CUL1: variants seen among roughly 807,000 people sequenced by gnomAD.
The protein encoded by CUL1 is cullin-1.
A neutral mutation model predicts 118.0 loss-of-function variants in CUL1; 24 were observed. The observed-to-expected ratio is 0.20, with a 90% CI of 0.15 to 0.29. The LOEUF is 0.29. CUL1 is among the 10% of genes least tolerant of loss of function. The pLI is 1.00. For missense variants in CUL1, 361 were observed against 933.8 expected (o/e 0.39, Z 7.99); for synonymous variants, 332 against 340.4 (o/e 0.98, Z 0.27).
chr7:148,739,169 C>T (rs776741487), intron 2 of CUL1, among the ~76,000 whole-genome samples: 1 of 152,196 alleles, frequency 6.6e-6, no homozygotes, highest in African/African-American at 2.4e-5. Flanking sequence ...ATCCCAATAG[C>T]GCTTTTTCCT....
intron 17 of CUL1, among the ~76,000 whole-genome samples, chr7:148,794,716 T>C (rs1197403223): frequency 1.3e-5 from 2 of 152,208 alleles, no homozygotes; most frequent in African/African-American, 4.8e-5. Context: ...TGTCTTTTCA[T>C]CTATTTAGGT....
chr7:148,800,595 G>A lies in CUL1; in HGVS notation c.*13G>A. On this transcript the variant is annotated 3_prime_UTR_variant, in exon 22 of 22. Transcript: ENST00000325222. This position sits in a 1 kb window ranked among gnomAD's most constrained non-coding sequence, Gnocchi z 4.6. ...TTACTTGGCTTAACCCTTCTGGAAG[G>A]GTCTGACTGTGTGACCCGCAGCAAA... The A allele has an allele frequency of 6.3e-7, 1 of 1,596,566 alleles. No individual in the cohort carries two copies. The highest frequency in any genetic ancestry group is 8.6e-7 in the Non-Finnish European group (1 of 1,164,924).
At chr7:148,752,493 G>C (rs975947606) in intron 2 of CUL1, among the ~76,000 whole-genome samples, 1 of 151,944 alleles carries the variant, frequency 6.6e-6, no homozygotes. Context: ...ATTTTATTAG[G>C]TTTGGGGGCA....
chr7:148,699,943 G>A (rs1307740653), intron 1 of CUL1, among the ~76,000 whole-genome samples: 4 of 150,980 alleles, frequency 2.6e-5, no homozygotes, highest in Non-Finnish European at 4.4e-5. Context: ...AAAGACCCCC[G>A]TTTCTGCCAC....
upstream of CUL1, chr7:148,698,032 C>G (rs243551): frequency 0.55 from 83,426 of 152,138 alleles, 24,622 homozygotes; most frequent in African/African-American, 0.77. Context: ...ACAGGAGTTA[C>G]TGAAAGTCTG....
chr7:148,730,378 A>T (rs17625893), intron 2 of CUL1, 116 bp downstream of exon 2: 29,371 of 1,212,274 alleles, frequency 0.024, 420 homozygotes, highest in Middle Eastern at 0.028. Flanking sequence ...ATGTAAAATA[A>T]TCGCAGGGTT....
intron 2 of CUL1, among the ~76,000 whole-genome samples, chr7:148,732,694 G>A (rs1798804849): frequency 6.6e-6 from 1 of 152,038 alleles, no homozygotes; most frequent in African/African-American, 2.4e-5. Flanking sequence ...TTTCTGATGG[G>A]TTATTTTTGC....
intron 2 of CUL1, among the ~76,000 whole-genome samples, chr7:148,730,981 T>C (rs768726998): frequency 2.0e-5 from 3 of 152,168 alleles, no homozygotes; most frequent in Non-Finnish European, 4.4e-5. Flanking sequence ...CTGGCCAATT[T>C]TTTTTTTATT....
At chr7:148,731,431 CTA>C (rs1563152958) in intron 2 of CUL1, among the ~76,000 whole-genome samples, 1 of 152,130 alleles carries the variant, frequency 6.6e-6, no homozygotes, top group African/African-American at 2.4e-5. Flanking sequence ...AGATATAAAA[CTA>C]TGTCAATCTC....
rs759536891 is a variant in CUL1 at position 148,730,206 on chromosome 7, C to T, written c.84C>T (p.Ile28=). Residue 28 remains isoleucine (I), a synonymous_variant, in exon 2 of 22, where the codon ATC becomes ATT. Transcript: ENST00000325222. ...TCTGGGACGACCTCAGAGCCGGCAT[C>T]CAGCAGGTGTACACACGGCAGAGCA... is the stretch of plus-strand genomic sequence containing the variant. ...DQIWDDLRAG[I]QQVYTRQSMA... 6.2e-7 allele frequency: 1 copy of T among 1,614,150 alleles called. No homozygotes were observed. The highest frequency in any genetic ancestry group is 8.5e-7 in the Non-Finnish European group (1 of 1,180,024).
intron 9 of CUL1, among the ~76,000 whole-genome samples, chr7:148,781,079 A>ATTGTTTT (rs1800611829): frequency 1.1e-5 from 1 of 93,732 alleles, no homozygotes; most frequent in Non-Finnish European, 1.9e-5. Context: ...TCAAGGCCAG[A>ATTGTTTT]TTTTTTTTTT....
At chr7:148,705,726 A>C (rs1327881258) in intron 1 of CUL1, among the ~76,000 whole-genome samples, 2 of 152,170 alleles carry the variant, frequency 1.3e-5, no homozygotes, top group African/African-American at 2.4e-5. Context: ...TTTGATCCCA[A>C]GTGGAATTCA....
chr7:148,777,020 C>T (rs1261261202), intron 9 of CUL1, among the ~76,000 whole-genome samples: 1 of 152,204 alleles, frequency 6.6e-6, no homozygotes, highest in Admixed American at 6.5e-5. Context: ...CGTCTGTAAA[C>T]ACTCAGCCCC....
chr7:148,755,994 C>T (rs1799643040), intron 3 of CUL1, among the ~76,000 whole-genome samples: 1 of 152,206 alleles, frequency 6.6e-6, no homozygotes, highest in African/African-American at 2.4e-5. Context: ...CTGCTGCACA[C>T]ACCTAAATGG....
At chr7:148,720,458 G>A (rs569358192) in intron 1 of CUL1, among the ~76,000 whole-genome samples, 59 of 152,286 alleles carry the variant, frequency 3.9e-4, no homozygotes, top group South Asian at 8.3e-4. Flanking sequence ...GCAGAAGGGG[G>A]AGTGAGTTTG....
chr7:148,765,240 G>A (rs952802692), intron 7 of CUL1, among the ~76,000 whole-genome samples: 9 of 152,034 alleles, frequency 5.9e-5, no homozygotes, highest in African/African-American at 1.2e-4. Context: ...TACAAGTCCC[G>A]CCTAATCATT....
chr7:148,798,531 T>C, intron 19 of CUL1, 41 bp from the exon 20 acceptor site: 1 of 1,482,492 alleles, frequency 6.7e-7, no homozygotes. Flanking sequence ...CTGCCTACCT[T>C]TTAATATAAT....
chr7:148,755,926 G>A (rs1049679262), intron 3 of CUL1, among the ~76,000 whole-genome samples: 1 of 152,136 alleles, frequency 6.6e-6, no homozygotes, highest in South Asian at 2.1e-4. Flanking sequence ...GAAGCCAGTG[G>A]GCTCGCCCCA....
At chr7:148,775,855 G>GA (rs34474266) in intron 9 of CUL1, among the ~76,000 whole-genome samples, 64,054 of 132,096 alleles carry the variant, frequency 0.48, 14,604 homozygotes, top group Non-Finnish European at 0.55. Context: ...AATACCACCA[G>GA]AAAAAAAAAA....
Sources: allele counts gnomAD v4.1 joint callset (sites outside exome capture counted in the v4.1 genomes callset), GRCh38; gene constraint gnomAD v4.1.1; non-coding constraint Gnocchi (gnomAD v3.1); transcripts MANE v1.5; gene names NCBI Gene and HGNC (gene_info 2026-07-23, HGNC 2026-07-21).